The following MYBPC1 variants were observed in gnomAD, a reference collection of about 807,000 sequenced individuals.
MYBPC1 encodes the protein myosin-binding protein C, slow-type.
In MYBPC1, 52 loss-of-function variants were observed where a neutral mutation model predicts 147.1. That is an observed-to-expected ratio of 0.35 (90% CI 0.28 to 0.45). The LOEUF (loss-of-function observed/expected upper bound fraction) is 0.45, where lower values mean the gene tolerates loss of function less well. Among genes scored for constraint, MYBPC1 ranks in the 20% least tolerant of loss-of-function variants. The pLI, the probability that MYBPC1 is intolerant of heterozygous loss-of-function variation, is 1.00. For synonymous variants in MYBPC1, 477 were observed against 475.9 expected, an observed-to-expected ratio of 1.00 and a Z score of -0.03; for missense variants, 1,228 against 1,440.3, an observed-to-expected ratio of 0.85 and a Z score of 2.39.
intron 22 of MYBPC1, chr12:101,664,325 A>G (rs1467034555): frequency 6.6e-6 from 1 of 152,252 alleles, no homozygotes; most frequent in Non-Finnish European, 1.5e-5. Context: ...ATTTGCCATA[A>G]CTAGAAAGGG....
chr12:101,617,383 C>A (rs756876889), intron 3 of MYBPC1, 140 bp downstream of exon 3: 41 of 844,728 alleles, frequency 4.9e-5, no homozygotes, highest in Middle Eastern at 2.2e-4. Flanking sequence ...CTGCAAGTCC[C>A]AATCAGTATA....
intron 8 of MYBPC1, among the ~76,000 whole-genome samples, chr12:101,632,342 C>T (rs891903161): frequency 6.6e-5 from 10 of 152,120 alleles, no homozygotes; most frequent in South Asian, 6.2e-4. Flanking sequence ...GGGATTTTAT[C>T]GCTAAATATC....
chr12:101,632,160 G>A, intron 8 of MYBPC1, 22 bp downstream of exon 8: 1 of 1,521,034 alleles, frequency 6.6e-7, no homozygotes, highest in Non-Finnish European at 9.1e-7. Flanking sequence ...TTCTTGCCTA[G>A]ATAAATGTAA....
intron 1 of MYBPC1, among the ~76,000 whole-genome samples, chr12:101,599,409 G>C (rs1023410083): frequency 6.6e-6 from 1 of 151,892 alleles, no homozygotes; most frequent in African/African-American, 2.4e-5. Context: ...GTTTTGCCAA[G>C]CCAAAAAGCT....
At chr12:101,603,354 A>G (rs1204531896) in intron 1 of MYBPC1, among the ~76,000 whole-genome samples, 1 of 151,956 alleles carries the variant, frequency 6.6e-6, no homozygotes, top group African/African-American at 2.4e-5. Context: ...TCAAAAAAAA[A>G]AAAAAGAAGA....
At chr12:101,615,650 TA>T (rs1885691957) in intron 2 of MYBPC1, among the ~76,000 whole-genome samples, 1 of 117,946 alleles carries the variant, frequency 8.5e-6, no homozygotes, top group African/African-American at 3.4e-5. Flanking sequence ...GGCAATATTA[TA>T]AGAACCCCCC....
At chr12:101,674,862 C>CAAAAAAAAAAAAAAAAAAAAAAAAAAA (rs62824364) in intron 25 of MYBPC1, among the ~76,000 whole-genome samples, 9 of 59,834 alleles carry the variant, frequency 1.5e-4, no homozygotes, top group African/African-American at 7.4e-4. Flanking sequence ...ACTCTGTCTC[C>CAAAAAAAAAAAAAAAAAAAAAAAAAAA]AAAAAAAAAA....
rs1029410959 is a variant in MYBPC1, at chr12:101,605,993, G to A, written c.26-8503G>A. 2.6e-5 allele frequency among the ~76,000 whole-genome samples: 4 copies of A among 151,942 alleles called. No homozygotes were observed. The South Asian group carries it at 8.3e-4, about 32-fold the overall frequency. On this transcript the variant is annotated intron_variant, in intron 1 of 31. Transcript: ENST00000361466. The stretch of plus-strand genomic sequence containing the variant: ...GCAGATCACTTGAGCCCAGGAGTTC[G>A]AGACCAGCCTGAGAAACATGGCGAA...
At chr12:101,664,613 G>C (rs1032842598) in intron 22 of MYBPC1, 11 of 152,230 alleles carry the variant, frequency 7.2e-5, no homozygotes, top group African/African-American at 2.7e-4. Context: ...TGCTGAAAAA[G>C]AAATCCCAGG....
chr12:101,687,431 C>G (rs1173515349), downstream of MYBPC1, among the ~76,000 whole-genome samples: 2 of 152,132 alleles, frequency 1.3e-5, no homozygotes, highest in Admixed American at 6.6e-5. Context: ...GCATAGTATT[C>G]CATGGTGTAT....
intron 3 of MYBPC1, among the ~76,000 whole-genome samples, chr12:101,624,556 T>G (rs1012066715): frequency 3.3e-5 from 5 of 152,210 alleles, no homozygotes; most frequent in African/African-American, 9.6e-5. Flanking sequence ...GGCGTGATGA[T>G]GGCTCACTAC....
intron 2 of MYBPC1, among the ~76,000 whole-genome samples, chr12:101,615,868 G>A (rs1309528698): frequency 6.6e-6 from 1 of 151,988 alleles, no homozygotes; most frequent in African/African-American, 2.4e-5. Flanking sequence ...CCTCCCTGGA[G>A]ATCGTTTTTC....
chr12:101,596,822 A>T (rs1416371654), intron 1 of MYBPC1, among the ~76,000 whole-genome samples: 1 of 152,032 alleles, frequency 6.6e-6, no homozygotes, highest in African/African-American at 2.4e-5. Flanking sequence ...GATGCTAAAG[A>T]CTCCATCATC....
downstream of MYBPC1, among the ~76,000 whole-genome samples, chr12:101,689,789 A>C (rs1951391279): frequency 6.6e-6 from 1 of 152,208 alleles, no homozygotes; most frequent in Non-Finnish European, 1.5e-5. Flanking sequence ...TCCTCCACCC[A>C]AGCCTCCTAA....
intron 3 of MYBPC1, among the ~76,000 whole-genome samples, chr12:101,625,950 T>A (rs1430798912): frequency 2.0e-5 from 3 of 151,770 alleles, no homozygotes; most frequent in Non-Finnish European, 4.4e-5. Context: ...TAGCCAGGCA[T>A]GGTGGCAGGT....
At chr12:101,611,599 T>G (rs905916378) in intron 1 of MYBPC1, among the ~76,000 whole-genome samples, 5 of 152,214 alleles carry the variant, frequency 3.3e-5, no homozygotes. Context: ...TAATGTGTTT[T>G]CAGCAATAAA....
intron 24 of MYBPC1, among the ~76,000 whole-genome samples, chr12:101,671,351 ACT>A (rs1565998751): frequency 6.6e-6 from 1 of 151,720 alleles, no homozygotes; most frequent in South Asian, 2.1e-4. Flanking sequence ...ACACACACAC[ACT>A]CACACATGCA....
chr12:101,626,323 C>T (rs2135984558), intron 3 of MYBPC1, among the ~76,000 whole-genome samples: 1 of 152,072 alleles, frequency 6.6e-6, no homozygotes, highest in Admixed American at 6.5e-5. Context: ...CAGCATTTTC[C>T]AACACCAATA....
the MYBPC1 span, among the ~76,000 whole-genome samples, chr12:101,693,243 G>A: frequency 6.6e-6 from 1 of 152,132 alleles, no homozygotes; most frequent in Non-Finnish European, 1.5e-5. Context: ...ACCGCGCCCA[G>A]CCTACTTTCA....
Sources: allele counts gnomAD v4.1 joint callset (sites outside exome capture counted in the v4.1 genomes callset), GRCh38; gene constraint gnomAD v4.1.1; transcripts MANE v1.5; gene names NCBI Gene and HGNC (gene_info 2026-07-23, HGNC 2026-07-21).